Variants in MLLT10 observed in about 807,000 individuals in gnomAD.
The protein encoded by MLLT10 is protein AF-10.
Under a neutral mutation model 129.1 loss-of-function variants are expected in MLLT10, and 30 were observed. The observed-to-expected ratio is 0.23, with a 90% confidence interval of 0.17 to 0.32. The LOEUF is 0.32. MLLT10 is among the 10% of genes least tolerant of loss of function. MLLT10 has a pLI of 1.00. For missense variants in MLLT10, 1,119 were observed against 1,268.3 expected, an observed-to-expected ratio of 0.88 and a Z score of 1.79; for synonymous variants, 490 against 446.4, an observed-to-expected ratio of 1.10 and a Z score of -1.23.
chr10:21,657,179 G>T (rs1281060545), intron 9 of MLLT10, among the ~76,000 whole-genome samples: 5 of 151,840 alleles, frequency 3.3e-5, no homozygotes, highest in African/African-American at 9.7e-5. Context: ...ATCATTTGAG[G>T]CCAGGAGTTT....
intron 8 of MLLT10, among the ~76,000 whole-genome samples, chr10:21,636,943 G>A (rs148923624): frequency 2.1e-3 from 322 of 152,302 alleles, no homozygotes; most frequent in Non-Finnish European, 3.6e-3. Context: ...AGAGATGTTT[G>A]CTGAAGTCAT....
At chr10:21,633,440 T>A (rs1170154004) in intron 8 of MLLT10, among the ~76,000 whole-genome samples, 1 of 152,176 alleles carries the variant, frequency 6.6e-6, no homozygotes, top group Non-Finnish European at 1.5e-5. Context: ...CATAGTGGCT[T>A]ATGCATGTAA....
At chr10:21,617,413 G>A (rs1642294164) in intron 8 of MLLT10, among the ~76,000 whole-genome samples, 1 of 152,112 alleles carries the variant, frequency 6.6e-6, no homozygotes, top group African/African-American at 2.4e-5. Context: ...TGAACATTTA[G>A]ATTACAACTT....
At chr10:21,705,814 T>C (rs2055435956) in intron 13 of MLLT10, among the ~76,000 whole-genome samples, 1 of 152,198 alleles carries the variant, frequency 6.6e-6, no homozygotes, top group Non-Finnish European at 1.5e-5. Flanking sequence ...TTAGAACATG[T>C]ATGGGATACA....
At chr10:21,587,309 A>G (rs1366322964) in intron 4 of MLLT10, among the ~76,000 whole-genome samples, 1 of 151,542 alleles carries the variant, frequency 6.6e-6, no homozygotes, top group Non-Finnish European at 1.5e-5. Flanking sequence ...AGTTCCAGCT[A>G]CTTGGGAAGC....
rs182284614 is a variant in MLLT10, at chr10:21,673,481, G to A, written c.1183G>A (p.Ala395Thr). Residue 395 changes from alanine to threonine, a missense_variant, in exon 11 of 23, where the codon GCA becomes ACA. Coordinates refer to ENST00000307729, the MANE Select transcript of MLLT10 (RefSeq NM_001195626.3). ...TTACTCTCACTCCCAACAGTCATCA[G>A]CAACCAAAGATGTACATAAAGGAGA... ...DSYSHSQQSS[A>T]TKDVHKGESG... 8.2e-5 allele frequency: 133 copies of A among 1,613,950 alleles called. No individual in the cohort carries two copies. In the East Asian group the frequency reaches 2.9e-3, roughly 35 times the overall value.
intron 13 of MLLT10, among the ~76,000 whole-genome samples, chr10:21,686,601 C>T (rs970023605): frequency 6.6e-6 from 1 of 152,060 alleles, no homozygotes; most frequent in Non-Finnish European, 1.5e-5. Context: ...CCAAAAGAAC[C>T]GCCTTCATTA....
intron 21 of MLLT10, chr10:21,738,295 C>T (rs749124805): frequency 4.9e-6 from 4 of 811,406 alleles, no homozygotes; most frequent in Non-Finnish European, 5.1e-6. Flanking sequence ...AATGCTGACA[C>T]TAAGATGGGA....
intron 9 of MLLT10, among the ~76,000 whole-genome samples, chr10:21,669,398 A>G (rs2051158959): frequency 6.6e-6 from 1 of 152,172 alleles, no homozygotes; most frequent in South Asian, 2.1e-4. Flanking sequence ...CTCGTTTTTC[A>G]TATTCATCTG....
chr10:21,563,062 G>A (rs754223550), intron 3 of MLLT10, among the ~76,000 whole-genome samples: 2 of 151,912 alleles, frequency 1.3e-5, no homozygotes, highest in East Asian at 1.9e-4. Context: ...CAGGTTCCTG[G>A]TGCTTCCTAT....
intron 3 of MLLT10, among the ~76,000 whole-genome samples, chr10:21,572,624 T>C (rs2040329810): frequency 6.6e-6 from 1 of 152,138 alleles, no homozygotes; most frequent in South Asian, 2.1e-4. Flanking sequence ...TACTTTTTTT[T>C]TTTCCTGTTT....
intron 3 of MLLT10, among the ~76,000 whole-genome samples, chr10:21,551,279 C>T (rs1245317485): frequency 1.0e-4 from 14 of 134,920 alleles, no homozygotes; most frequent in East Asian, 4.7e-4. Flanking sequence ...AAAAAGTACT[C>T]GGATTGTACC....
intron 8 of MLLT10, among the ~76,000 whole-genome samples, chr10:21,640,816 A>G (rs1383721633): frequency 6.6e-6 from 1 of 152,216 alleles, no homozygotes; most frequent in Non-Finnish European, 1.5e-5. Context: ...TTCTCAAATT[A>G]TGATTGACTT....
intron 21 of MLLT10, among the ~76,000 whole-genome samples, chr10:21,735,724 C>T (rs902825265): frequency 4.6e-5 from 7 of 151,980 alleles, no homozygotes; most frequent in African/African-American, 1.7e-4. Flanking sequence ...AGAGAAAGCA[C>T]GTTGGAGGTA....
chr10:21,640,126 C>T (rs145348847), intron 8 of MLLT10, among the ~76,000 whole-genome samples: 306 of 147,134 alleles, frequency 2.1e-3, no homozygotes, highest in African/African-American at 7.3e-3. Flanking sequence ...GAGTTTTGAC[C>T]CAGGGACTGT....
chr10:21,623,544 C>T (rs903606527), intron 8 of MLLT10, among the ~76,000 whole-genome samples: 18 of 152,178 alleles, frequency 1.2e-4, no homozygotes, highest in Non-Finnish European at 8.8e-5. Context: ...AATATACACA[C>T]AAAGACACAC....
intron 9 of MLLT10, among the ~76,000 whole-genome samples, chr10:21,653,271 T>C (rs2049232190): frequency 6.6e-6 from 1 of 152,214 alleles, no homozygotes; most frequent in South Asian, 2.1e-4. Flanking sequence ...GTCAGGTTAT[T>C]GGCAGAATGA....
intron 3 of MLLT10, among the ~76,000 whole-genome samples, chr10:21,555,912 C>T (rs2037873827): frequency 6.6e-6 from 1 of 151,694 alleles, no homozygotes; most frequent in South Asian, 2.1e-4. Flanking sequence ...GGTGATCCAC[C>T]TGCCTCCGTC....
At chr10:21,555,491 G>A (rs2037790224) in intron 3 of MLLT10, among the ~76,000 whole-genome samples, 1 of 152,090 alleles carries the variant, frequency 6.6e-6, no homozygotes, top group Non-Finnish European at 1.5e-5. Flanking sequence ...CCAAAGTGCT[G>A]GGATTACAGG....
Sources: gnomAD v4.1 joint callset for allele counts (sites outside exome capture counted in the v4.1 genomes callset) on GRCh38, gnomAD v4.1.1 for gene constraint, MANE v1.5 for transcripts, NCBI Gene and HGNC (gene_info 2026-07-23, HGNC 2026-07-21) for gene names.